Variants in NDFIP1 observed in about 807,000 individuals in gnomAD.
NDFIP1 encodes the protein NEDD4 family-interacting protein 1.
NDFIP1 carries 7 observed loss-of-function variants against 28.8 expected under a neutral mutation model. The ratio of observed to expected loss-of-function variants is 0.24; its 90% CI spans 0.14 to 0.46. NDFIP1 has a LOEUF of 0.46. Among genes scored for constraint, NDFIP1 ranks in the 20% least tolerant of loss-of-function variants. The pLI is 0.99. For synonymous variants in NDFIP1, 92 were observed against 101.0 expected (o/e 0.91, Z 0.53); for missense variants, 194 against 269.1 (o/e 0.72, Z 1.95).
intron 1 of NDFIP1, among the ~76,000 whole-genome samples, chr5:142,131,422 G>A (rs549130263): frequency 6.6e-6 from 1 of 152,290 alleles, no homozygotes; most frequent in East Asian, 1.9e-4. Context: ...CTATAGGAGT[G>A]TGCCACCATG....
At chr5:142,142,951 A>T (rs1757351924) in intron 6 of NDFIP1, 1 of 134,752 alleles carries the variant, frequency 7.4e-6, no homozygotes, top group Non-Finnish European at 1.6e-5. Context: ...ATATATATAT[A>T]TATATATATA....
At chr5:142,114,144 C>T (rs1757041787) in intron 1 of NDFIP1, among the ~76,000 whole-genome samples, 1 of 152,178 alleles carries the variant, frequency 6.6e-6, no homozygotes, top group Non-Finnish European at 1.5e-5. Flanking sequence ...TTTTCCATGG[C>T]AGCTTCACCA....
At chr5:142,116,001 T>C (rs1757063417) in intron 1 of NDFIP1, among the ~76,000 whole-genome samples, 1 of 152,222 alleles carries the variant, frequency 6.6e-6, no homozygotes, top group South Asian at 2.1e-4. Flanking sequence ...TATGTGTAAA[T>C]ACTATACCAT....
intron 7 of NDFIP1, among the ~76,000 whole-genome samples, chr5:142,146,940 A>G (rs1757395480): frequency 1.3e-5 from 2 of 152,154 alleles, no homozygotes; most frequent in South Asian, 4.1e-4. Flanking sequence ...TGTGATTTGA[A>G]GTAGGCAGTC....
intron 1 of NDFIP1, among the ~76,000 whole-genome samples, chr5:142,115,045 C>A (rs1461763474): frequency 6.6e-6 from 1 of 152,114 alleles, no homozygotes; most frequent in Non-Finnish European, 1.5e-5. Flanking sequence ...CACATAACTT[C>A]AAATTGTTTT....
chr5:142,144,471 A>C, intron 6 of NDFIP1, 100 bp from the exon 7 acceptor site: 1 of 846,342 alleles, frequency 1.2e-6, no homozygotes, highest in Non-Finnish European at 1.9e-6. Flanking sequence ...TACCTTTAGC[A>C]GAAAAATAAC....
chr5:142,142,248 C>T (rs1014430347), intron 6 of NDFIP1, among the ~76,000 whole-genome samples: 1 of 152,150 alleles, frequency 6.6e-6, no homozygotes, highest in Non-Finnish European at 1.5e-5. Context: ...CCATCTACCA[C>T]CTCCTCAACA....
At chr5:142,124,185 A>G (rs1285139818) in intron 1 of NDFIP1, among the ~76,000 whole-genome samples, 1 of 152,102 alleles carries the variant, frequency 6.6e-6, no homozygotes, top group African/African-American at 2.4e-5. Context: ...TACTAGAAAT[A>G]TTTGGATGTC....
chr5:142,120,894 A>G (rs1349302639), intron 1 of NDFIP1, among the ~76,000 whole-genome samples: 1 of 152,254 alleles, frequency 6.6e-6, no homozygotes, highest in East Asian at 1.9e-4. Flanking sequence ...CCTCATGACC[A>G]GGCCTGAATC....
intron 3 of NDFIP1, among the ~76,000 whole-genome samples, chr5:142,135,229 T>C (rs1290816869): frequency 4.6e-5 from 7 of 152,092 alleles, no homozygotes; most frequent in African/African-American, 1.7e-4. Flanking sequence ...CTGCCTGCCT[T>C]GGCCTCCCAA....
intron 1 of NDFIP1, among the ~76,000 whole-genome samples, chr5:142,110,734 G>A (rs995172370): frequency 3.9e-5 from 6 of 152,092 alleles, no homozygotes; most frequent in Non-Finnish European, 7.4e-5. Flanking sequence ...ATTCTTGTGG[G>A]TTTATAGCTA....
intron 2 of NDFIP1, 146 bp downstream of exon 2, chr5:142,132,041 A>T (rs1757233191): frequency 7.6e-6 from 8 of 1,055,740 alleles, no homozygotes; most frequent in Non-Finnish European, 1.1e-5. Flanking sequence ...AAGTGGATAC[A>T]TTTAAAAATC....
intron 4 of NDFIP1, among the ~76,000 whole-genome samples, chr5:142,136,399 A>G (rs1249319149): frequency 6.6e-6 from 1 of 152,222 alleles, no homozygotes; most frequent in Non-Finnish European, 1.5e-5. Context: ...GGGGGCACTT[A>G]TTTAATGTTG....
intron 7 of NDFIP1, among the ~76,000 whole-genome samples, chr5:142,150,497 C>A (rs528771165): frequency 7.2e-5 from 11 of 151,918 alleles, no homozygotes; most frequent in East Asian, 1.9e-4. Flanking sequence ...TTCATTTCCT[C>A]CAGTGTGTTT....
At chr5:142,112,378 T>C (rs1266054972) in intron 1 of NDFIP1, among the ~76,000 whole-genome samples, 3 of 148,586 alleles carry the variant, frequency 2.0e-5, no homozygotes, top group Non-Finnish European at 4.5e-5. Context: ...AGCAAGACTC[T>C]GTTTAAAAAA....
intron 3 of NDFIP1, chr5:142,134,015 G>T (rs1255287719): frequency 6.6e-6 from 1 of 152,268 alleles, no homozygotes; most frequent in African/African-American, 2.4e-5. Flanking sequence ...GCCAGGTGAA[G>T]GCAGTTCTGT....
In NDFIP1 at chr5:142,108,917, G is replaced by A. The variant is rs916687116; in HGVS notation, c.-58G>A. 3.6e-6 allele frequency: 5 copies of A among 1,370,658 alleles called. No homozygotes were observed. The highest frequency in any genetic ancestry group is 3.8e-6 in the Non-Finnish European group (4 of 1,058,340). The allele number at this position is 1,370,658 out of a possible 1,614,324, so 84.9% of individuals were successfully genotyped here. A position where few individuals can be genotyped will look rare whatever the true frequency, so the allele number is the denominator to read the frequency against. ...CTCCCAGCGCTCCCAAGCCGCAGCG[G>A]CCGCGCCCCTTCAGCTAGCTCGCTC... On this transcript the variant is annotated 5_prime_UTR_variant, in exon 1 of 8. Coordinates refer to ENST00000253814, the MANE Select transcript of NDFIP1 (RefSeq NM_030571.4).
rs1044524 is a variant in NDFIP1, at chr5:142,154,298, A to T, written c.*2570A>T. On this transcript the variant is annotated 3_prime_UTR_variant, in exon 8 of 8. Coordinates refer to ENST00000253814, the MANE Select transcript of NDFIP1 (RefSeq NM_030571.4). ...TTCACCCATAACGACACAGTGCCCTATGTTTCTTAACTTCTTGTTGCCATT... is the reference window on the plus strand; with the variant it reads ...TTCACCCATAACGACACAGTGCCCTTTGTTTCTTAACTTCTTGTTGCCATT... 2 of 152,018 alleles carry T rather than the reference A, an allele frequency of 1.3e-5. No individual in the cohort carries two copies. The highest frequency in any genetic ancestry group is 2.9e-5 in the Non-Finnish European group (2 of 67,990). The allele number at this position is 152,018 out of a possible 1,614,324, so 9.4% of individuals were successfully genotyped here.
At chr5:142,129,905 A>G (rs1451284533) in intron 1 of NDFIP1, among the ~76,000 whole-genome samples, 1 of 140,200 alleles carries the variant, frequency 7.1e-6, no homozygotes, top group Non-Finnish European at 1.5e-5. Context: ...AAGCGAAACT[A>G]CATCTCAAAA....
Sources: gnomAD v4.1 joint callset for allele counts (sites outside exome capture counted in the v4.1 genomes callset) on GRCh38, gnomAD v4.1.1 for gene constraint, MANE v1.5 for transcripts, NCBI Gene and HGNC (gene_info 2026-07-23, HGNC 2026-07-21) for gene names.